The following CAMKMT variants were observed in gnomAD, a reference collection of about 807,000 sequenced individuals.
CAMKMT encodes CaM KMT.
Under a neutral mutation model 48.0 loss-of-function variants are expected in CAMKMT, and 53 were observed. The ratio of observed to expected loss-of-function variants is 1.10; its 90% confidence interval spans 0.89 to 1.39. The LOEUF (loss-of-function observed/expected upper bound fraction) is 1.39, where lower values mean the gene tolerates loss of function less well. Among genes scored for constraint, CAMKMT ranks in the 40% most tolerant of loss-of-function variants. The pLI is 0.00. For synonymous variants in CAMKMT, 165 were observed against 152.3 expected (o/e 1.08, Z -0.61); for missense variants, 428 against 402.7 (o/e 1.06, Z -0.54).
intron 3 of CAMKMT, among the ~76,000 whole-genome samples, chr2:44,576,285 G>A (rs1054192325): frequency 1.1e-4 from 16 of 147,436 alleles, no homozygotes; most frequent in Admixed American, 2.1e-4. Flanking sequence ...CCGAGATTGC[G>A]TCATTGCACT....
intron 3 of CAMKMT, among the ~76,000 whole-genome samples, chr2:44,693,771 T>C (rs1676787406): frequency 6.6e-6 from 1 of 152,214 alleles, no homozygotes; most frequent in East Asian, 1.9e-4. Flanking sequence ...TCCATACTCA[T>C]TCCAACATGA....
intron 3 of CAMKMT, among the ~76,000 whole-genome samples, chr2:44,484,976 G>A (rs570968023): frequency 3.5e-4 from 54 of 152,128 alleles, no homozygotes; most frequent in African/African-American, 1.2e-3. Flanking sequence ...ATACTAAACC[G>A]AAATAGTCAC....
chr2:44,545,509 T>C (rs773067268), intron 3 of CAMKMT, among the ~76,000 whole-genome samples: 83 of 152,150 alleles, frequency 5.5e-4, no homozygotes, highest in Non-Finnish European at 4.4e-4. Flanking sequence ...ATAAAACCTT[T>C]CTCAGAGCTA....
At chr2:44,384,247 T>C (rs547410830) in intron 2 of CAMKMT, among the ~76,000 whole-genome samples, 8 of 152,232 alleles carry the variant, frequency 5.3e-5, no homozygotes, top group African/African-American at 1.9e-4. Context: ...ATTTTTTTCA[T>C]ATATTTGTTG....
intron 2 of CAMKMT, among the ~76,000 whole-genome samples, chr2:44,375,460 A>C (rs1173825341): frequency 6.6e-6 from 1 of 152,012 alleles, no homozygotes; most frequent in Non-Finnish European, 1.5e-5. Context: ...AAAATAATTA[A>C]ATAAGGAAAG....
intron 7 of CAMKMT, among the ~76,000 whole-genome samples, chr2:44,724,327 G>T (rs1423446909): frequency 6.6e-6 from 1 of 152,128 alleles, no homozygotes; most frequent in African/African-American, 2.4e-5. Context: ...ATTCATACAG[G>T]TAGAGATCTT....
At chr2:44,514,833 A>G (rs1670756167) in intron 3 of CAMKMT, among the ~76,000 whole-genome samples, 1 of 152,204 alleles carries the variant, frequency 6.6e-6, no homozygotes, top group Non-Finnish European at 1.5e-5. Flanking sequence ...TCTTCCCCAT[A>G]TCCTTCCTGA....
chr2:44,648,344 T>C (rs1673867148), intron 3 of CAMKMT, among the ~76,000 whole-genome samples: 1 of 152,186 alleles, frequency 6.6e-6, no homozygotes, highest in African/African-American at 2.4e-5. Context: ...CTCACACTTT[T>C]TAATAATTTT....
intron 3 of CAMKMT, among the ~76,000 whole-genome samples, chr2:44,566,986 G>A (rs1668649517): frequency 6.6e-6 from 1 of 152,160 alleles, no homozygotes; most frequent in Non-Finnish European, 1.5e-5. Flanking sequence ...GAATTTGGGT[G>A]TCATTGTATA....
chr2:44,511,095 C>T (rs942558967), intron 3 of CAMKMT, among the ~76,000 whole-genome samples: 1 of 152,206 alleles, frequency 6.6e-6, no homozygotes, highest in Non-Finnish European at 1.5e-5. Flanking sequence ...CCCGCCTCAG[C>T]CTCCCAAAGT....
At chr2:44,665,295 C>A (rs1674903375) in intron 3 of CAMKMT, among the ~76,000 whole-genome samples, 1 of 151,926 alleles carries the variant, frequency 6.6e-6, no homozygotes, top group Admixed American at 6.6e-5. Flanking sequence ...GGTCTTGAAC[C>A]CCTGACCTCA....
chr2:44,543,282 T>G (rs1000254761), intron 3 of CAMKMT, among the ~76,000 whole-genome samples: 48 of 152,226 alleles, frequency 3.2e-4, no homozygotes, highest in African/African-American at 1.1e-3. Flanking sequence ...GAGCCTCTAT[T>G]TCTTCCAGTA....
intron 3 of CAMKMT, among the ~76,000 whole-genome samples, chr2:44,444,120 T>C (rs1185230840): frequency 6.6e-6 from 1 of 152,202 alleles, no homozygotes; most frequent in East Asian, 1.9e-4. Flanking sequence ...TAAACTTTTC[T>C]ACACGTGTAC....
At chr2:44,696,403 T>A (rs1676954169) in intron 3 of CAMKMT, among the ~76,000 whole-genome samples, 1 of 152,162 alleles carries the variant, frequency 6.6e-6, no homozygotes, top group African/African-American at 2.4e-5. Flanking sequence ...TGAGGGGCAG[T>A]TGTACTTCTA....
At chr2:44,741,240 A>C (rs1679661353) in intron 7 of CAMKMT, among the ~76,000 whole-genome samples, 2 of 152,240 alleles carry the variant, frequency 1.3e-5, no homozygotes, top group African/African-American at 4.8e-5. Flanking sequence ...CCACAGTGGA[A>C]GCACATGCTC....
chr2:44,704,366 T>A, intron 4 of CAMKMT, 23 bp downstream of exon 4: 1 of 1,513,308 alleles, frequency 6.6e-7, no homozygotes, highest in South Asian at 1.3e-5. Context: ...ACTTAAGATA[T>A]TTTTTAGCCC....
intron 3 of CAMKMT, among the ~76,000 whole-genome samples, chr2:44,415,481 G>A (rs933857337): frequency 6.6e-6 from 1 of 152,134 alleles, no homozygotes; most frequent in Non-Finnish European, 1.5e-5. Flanking sequence ...TCCAGACTCT[G>A]GTGATAGTGA....
chr2:44,500,428 A>T (rs13420666), intron 3 of CAMKMT, among the ~76,000 whole-genome samples: 1 of 152,250 alleles, frequency 6.6e-6, no homozygotes, highest in Admixed American at 6.5e-5. Context: ...ATTCCTTGAT[A>T]TTTATAATTA....
intron 2 of CAMKMT, among the ~76,000 whole-genome samples, chr2:44,382,384 T>C (rs978790911): frequency 3.9e-5 from 6 of 152,178 alleles, no homozygotes; most frequent in Admixed American, 2.6e-4. Context: ...GATTGTTTTA[T>C]TTGTGATTGG....
Sources: allele counts gnomAD v4.1 joint callset (sites outside exome capture counted in the v4.1 genomes callset), GRCh38; gene constraint gnomAD v4.1.1; transcripts MANE v1.5; gene names NCBI Gene and HGNC (gene_info 2026-07-23, HGNC 2026-07-21).